Variants in ANKRD30B observed in about 807,000 individuals in gnomAD.
ANKRD30B encodes the protein ankyrin repeat domain-containing protein 30B.
A neutral mutation model predicts 202.2 loss-of-function variants in ANKRD30B; 144 were observed. The ratio of observed to expected loss-of-function variants is 0.71; its 90% confidence interval spans 0.62 to 0.82. ANKRD30B has a LOEUF of 0.82. ANKRD30B is among the 40% of genes least tolerant of loss of function. The pLI, the probability that ANKRD30B is intolerant of heterozygous loss-of-function variation, is 0.00. For synonymous variants in ANKRD30B, 508 were observed against 561.3 expected (o/e 0.91, Z 1.34); for missense variants, 1,487 against 1,669.1 (o/e 0.89, Z 1.90).
chr18:14,866,322 G>T, the ANKRD30B span, among the ~76,000 whole-genome samples: 2 of 152,328 alleles, frequency 1.3e-5, no homozygotes, highest in South Asian at 2.1e-4. Flanking sequence ...AGTGTGGCTG[G>T]AGTGTTAGGA....
the ANKRD30B span, among the ~76,000 whole-genome samples, chr18:14,904,519 C>G: frequency 6.6e-6 from 1 of 152,062 alleles, no homozygotes; most frequent in Admixed American, 6.6e-5. Flanking sequence ...TCCTCTCTCA[C>G]TCCATTGATC....
downstream of ANKRD30B, among the ~76,000 whole-genome samples, chr18:14,856,570 T>C (rs1258255586): frequency 1.9e-4 from 19 of 102,216 alleles, no homozygotes; most frequent in South Asian, 6.7e-4. Flanking sequence ...ACTTCCCAGA[T>C]GGGGCGGCCG....
At chr18:14,870,758 A>C in the ANKRD30B span, among the ~76,000 whole-genome samples, 2 of 152,026 alleles carry the variant, frequency 1.3e-5, no homozygotes, top group Non-Finnish European at 2.9e-5. Flanking sequence ...GACCTCCCTG[A>C]TTGATCCCAT....
downstream of ANKRD30B, among the ~76,000 whole-genome samples, chr18:14,859,143 C>T (rs1404390939): frequency 8.0e-6 from 1 of 124,518 alleles, no homozygotes; most frequent in East Asian, 2.2e-4. Flanking sequence ...ACGGGGAGAC[C>T]AGGAAGAGGC....
the ANKRD30B span, among the ~76,000 whole-genome samples, chr18:14,915,912 A>G: frequency 6.6e-6 from 1 of 152,268 alleles, no homozygotes; most frequent in African/African-American, 2.4e-5. Context: ...AACTATTTAC[A>G]TAGCATTTGT....
At chr18:14,751,956 G>A (rs911445218) in intron 1 of ANKRD30B, among the ~76,000 whole-genome samples, 8 of 152,104 alleles carry the variant, frequency 5.3e-5, no homozygotes, top group Non-Finnish European at 8.8e-5. Flanking sequence ...AAATATAGTT[G>A]TAATAAATAA....
intron 15 of ANKRD30B, among the ~76,000 whole-genome samples, chr18:14,790,253 T>G (rs1238409150): frequency 1.3e-5 from 2 of 152,218 alleles, no homozygotes; most frequent in African/African-American, 2.4e-5. Flanking sequence ...TCCTGAGATT[T>G]TGCTGAAGCT....
the ANKRD30B span, among the ~76,000 whole-genome samples, chr18:14,909,557 A>G: frequency 6.6e-6 from 1 of 151,846 alleles, no homozygotes; most frequent in Non-Finnish European, 1.5e-5. Context: ...ACAGGCGCGC[A>G]CCACCATTCT....
chr18:14,786,893 AAGT>A, intron 14 of ANKRD30B, 143 bp from the exon 15 acceptor site: 1 of 660,630 alleles, frequency 1.5e-6, no homozygotes, highest in Non-Finnish European at 2.4e-6. Context: ...GTGACTATAG[AAGT>A]AGTCACTGTA....
chr18:14,921,604 T>C, the ANKRD30B span, among the ~76,000 whole-genome samples: 1 of 152,022 alleles, frequency 6.6e-6, no homozygotes, highest in African/African-American at 2.4e-5. Flanking sequence ...CCAAGCACTA[T>C]GAAAAAATAC....
chr18:14,786,466 T>C (rs868719398), intron 14 of ANKRD30B, among the ~76,000 whole-genome samples: 1 of 152,234 alleles, frequency 6.6e-6, no homozygotes, highest in South Asian at 2.1e-4. Flanking sequence ...ATAAAAGTTT[T>C]TTAAGCTTAT....
chr18:14,869,706 A>G, the ANKRD30B span, among the ~76,000 whole-genome samples: 1,956 of 151,050 alleles, frequency 0.013, 14 homozygotes, highest in Non-Finnish European at 0.018. Flanking sequence ...GCATGATTAC[A>G]AATACTTCAG....
At chr18:14,764,658 G>A (rs1444741565) in intron 7 of ANKRD30B, among the ~76,000 whole-genome samples, 1 of 152,140 alleles carries the variant, frequency 6.6e-6, no homozygotes, top group Non-Finnish European at 1.5e-5. Context: ...AAAGTGCTGG[G>A]AATTCAGGTG....
the ANKRD30B span, among the ~76,000 whole-genome samples, chr18:14,873,633 T>C: frequency 6.6e-6 from 1 of 152,156 alleles, no homozygotes; most frequent in African/African-American, 2.4e-5. Context: ...GCAAATTGTT[T>C]CAGTTCTCTA....
chr18:14,820,951 C>T (rs1415652322), intron 30 of ANKRD30B, among the ~76,000 whole-genome samples: 1 of 152,098 alleles, frequency 6.6e-6, no homozygotes, highest in African/African-American at 2.4e-5. Flanking sequence ...CCAGTTCCTC[C>T]TTGTACCACT....
the ANKRD30B span, among the ~76,000 whole-genome samples, chr18:14,868,046 C>T: frequency 3.3e-5 from 5 of 152,128 alleles, no homozygotes; most frequent in African/African-American, 7.2e-5. Flanking sequence ...GTGATGGAGA[C>T]GGCAGCTCAA....
At chr18:14,930,125 G>A in the ANKRD30B span, among the ~76,000 whole-genome samples, 410 of 152,298 alleles carry the variant, frequency 2.7e-3, 4 homozygotes, top group Admixed American at 4.8e-3. Context: ...TGTGGCTCAG[G>A]TGAGTGAATA....
chr18:14,788,501 G>T (rs138226900), intron 15 of ANKRD30B, among the ~76,000 whole-genome samples: 1 of 151,982 alleles, frequency 6.6e-6, no homozygotes, highest in South Asian at 2.1e-4. Context: ...CCATTAACTC[G>T]TCATTTAGCA....
At chr18:14,904,762 G>T in the ANKRD30B span, among the ~76,000 whole-genome samples, 1 of 152,202 alleles carries the variant, frequency 6.6e-6, no homozygotes, top group Non-Finnish European at 1.5e-5. Flanking sequence ...TTGGATTACA[G>T]CTTGGTTTAT....
Sources: allele counts gnomAD v4.1 joint callset (sites outside exome capture counted in the v4.1 genomes callset), GRCh38; gene constraint gnomAD v4.1.1; transcripts MANE v1.5; gene names NCBI Gene and HGNC (gene_info 2026-07-23, HGNC 2026-07-21).